CSMD1: variants seen among roughly 807,000 people sequenced by gnomAD.
The protein encoded by CSMD1 is CUB and sushi domain-containing protein 1.
In CSMD1, 213 loss-of-function variants were observed where a neutral mutation model predicts 417.5. That is an observed-to-expected ratio of 0.51 (90% CI 0.46 to 0.57). The LOEUF is 0.57. Ranked by LOEUF, CSMD1 falls within the 20% of genes least tolerant of loss-of-function variation. The pLI, the probability that CSMD1 is intolerant of heterozygous loss-of-function variation, is 0.00. For synonymous variants in CSMD1, 2,862 were observed against 1,736.8 expected, an observed-to-expected ratio of 1.65 and a Z score of -16.11; for missense variants, 6,923 against 4,529.7, an observed-to-expected ratio of 1.53 and a Z score of -15.17.
chr8:4,279,276 G>C (rs1347531313), intron 3 of CSMD1, among the ~76,000 whole-genome samples: 2 of 152,104 alleles, frequency 1.3e-5, no homozygotes, highest in African/African-American at 4.8e-5. Flanking sequence ...CTTATATTTA[G>C]TGTAAAAAGC....
At chr8:3,193,468 G>A (rs11989023) in intron 33 of CSMD1, among the ~76,000 whole-genome samples, 111 of 152,170 alleles carry the variant, frequency 7.3e-4, no homozygotes, top group African/African-American at 1.5e-3. Context: ...TCTGGGAAGC[G>A]GGTGGGTGGA....
In CSMD1 at chr8:4,042,257, A is replaced by G. The variant is rs566749259; in HGVS notation, c.416-10158T>C. Among the ~76,000 whole-genome samples, 3 of 152,310 alleles carry G rather than the reference A, an allele frequency of 2.0e-5. No individual in the cohort carries two copies. In the East Asian group the frequency reaches 5.8e-4, roughly 29 times the overall value. On this transcript the variant is annotated intron_variant, in intron 3 of 69. Transcript: ENST00000635120. ...AAAATCAAGGTGCCTAAATACAGCA[A>G]TGAAGAAAAAATCTTTAAAGCATCC...
At chr8:3,892,743 C>G (rs1409602583) in intron 5 of CSMD1, among the ~76,000 whole-genome samples, 2 of 91,850 alleles carry the variant, frequency 2.2e-5, no homozygotes, top group Admixed American at 1.5e-4. Context: ...TTTGCCACTT[C>G]TGTGCATTAT....
Position 4,787,875 on chromosome 8 carries a change from T to A in CSMD1, c.86-150317A>T, listed in dbSNP as rs1004567230. ...GGTTGCCCCAGAATTGTACACTGGT[T>A]GATATGAAGATTGAATTTGGTGTTG... On this transcript the variant is annotated intron_variant, in intron 1 of 69. Coordinates refer to ENST00000635120, the MANE Select transcript of CSMD1 (RefSeq NM_033225.6). 3.9e-5 allele frequency: 62 copies of A among 1,575,570 alleles called. No individual in the cohort carries two copies. The African/African-American group carries it at 7.4e-4, about 19-fold the overall frequency.
intron 1 of CSMD1, among the ~76,000 whole-genome samples, chr8:4,847,933 C>T (rs1249125214): frequency 2.0e-5 from 3 of 152,128 alleles, no homozygotes; most frequent in Non-Finnish European, 4.4e-5. Context: ...AAACCCTGTA[C>T]CCTTTAGCAA....
chr8:3,255,958 T>G (rs1169393517), intron 26 of CSMD1, among the ~76,000 whole-genome samples: 1 of 152,146 alleles, frequency 6.6e-6, no homozygotes, highest in Non-Finnish European at 1.5e-5. Context: ...TCTGCATCGT[T>G]CATGCTGGGA....
intron 41 of CSMD1, among the ~76,000 whole-genome samples, chr8:3,141,783 C>T (rs1818498697): frequency 1.4e-5 from 2 of 144,700 alleles, no homozygotes; most frequent in Admixed American, 1.4e-4. Context: ...TTCCCAAGCC[C>T]CTGCCCGCCA....
At chr8:4,732,895 T>G (rs955943288) in intron 1 of CSMD1, among the ~76,000 whole-genome samples, 8 of 152,092 alleles carry the variant, frequency 5.3e-5, no homozygotes, top group Non-Finnish European at 1.0e-4. Flanking sequence ...CCCTAAAACA[T>G]GTCCAGCCTG....
intron 2 of CSMD1, among the ~76,000 whole-genome samples, chr8:4,578,874 C>T (rs1253096128): frequency 4.1e-5 from 6 of 147,038 alleles, no homozygotes; most frequent in African/African-American, 1.3e-4. Flanking sequence ...ATAGAAGGCA[C>T]ATTTTACTAG....
intron 3 of CSMD1, among the ~76,000 whole-genome samples, chr8:4,326,362 G>T (rs185515845): frequency 6.6e-6 from 1 of 152,236 alleles, no homozygotes; most frequent in South Asian, 2.1e-4. Flanking sequence ...ACCTGACGAC[G>T]ATCACCAATG....
intron 5 of CSMD1, among the ~76,000 whole-genome samples, chr8:3,820,713 C>G (rs533931819): frequency 1.3e-5 from 2 of 152,120 alleles, no homozygotes; most frequent in South Asian, 2.1e-4. Context: ...GTAGCTGGGA[C>G]TACAGGCATG....
chr8:4,431,516 T>C (rs779031761), intron 2 of CSMD1, among the ~76,000 whole-genome samples: 2 of 152,014 alleles, frequency 1.3e-5, no homozygotes, highest in Non-Finnish European at 2.9e-5. Flanking sequence ...TGCTACTCAG[T>C]TACACTTTAT....
At chr8:3,785,354 G>A (rs1330618978) in intron 5 of CSMD1, among the ~76,000 whole-genome samples, 1 of 152,186 alleles carries the variant, frequency 6.6e-6, no homozygotes, top group African/African-American at 2.4e-5. Flanking sequence ...AGTCAGCAGT[G>A]GAACCATTTC....
intron 65 of CSMD1, among the ~76,000 whole-genome samples, chr8:2,952,682 T>A (rs571979001): frequency 6.9e-6 from 1 of 144,888 alleles, no homozygotes; most frequent in Non-Finnish European, 1.5e-5. Flanking sequence ...TTAAAGTACA[T>A]AAAAAATATC....
chr8:3,854,241 C>A (rs1324780462), intron 5 of CSMD1, among the ~76,000 whole-genome samples: 1 of 149,916 alleles, frequency 6.7e-6, no homozygotes, highest in Admixed American at 6.7e-5. Flanking sequence ...TTCTTAAAAT[C>A]TCAGGAGTAA....
intron 6 of CSMD1, among the ~76,000 whole-genome samples, chr8:3,734,045 T>G (rs572482202): frequency 7.3e-6 from 1 of 137,582 alleles, no homozygotes; most frequent in Non-Finnish European, 1.6e-5. Flanking sequence ...CAGGAAGAAA[T>G]GCAAGCTGTT....
At chr8:3,473,193 T>C (rs537130419) in intron 11 of CSMD1, among the ~76,000 whole-genome samples, 1 of 152,340 alleles carries the variant, frequency 6.6e-6, no homozygotes, top group African/African-American at 2.4e-5. Context: ...TGAACTTTGC[T>C]TTAATTTAAT....
intron 15 of CSMD1, among the ~76,000 whole-genome samples, chr8:3,402,034 A>G (rs971483210): frequency 6.6e-6 from 1 of 151,484 alleles, no homozygotes; most frequent in African/African-American, 2.4e-5. Context: ...ACACACATAC[A>G]CCCCTTCTTG....
chr8:4,345,474 C>G (rs1031946183), intron 3 of CSMD1, among the ~76,000 whole-genome samples: 10 of 151,908 alleles, frequency 6.6e-5, no homozygotes, highest in African/African-American at 7.3e-5. Flanking sequence ...TTACATCAAA[C>G]TACAAAGCTT....
Sources: allele counts gnomAD v4.1 joint callset (sites outside exome capture counted in the v4.1 genomes callset), GRCh38; gene constraint gnomAD v4.1.1; transcripts MANE v1.5; gene names NCBI Gene and HGNC (gene_info 2026-07-23, HGNC 2026-07-21).